The following DNAH8 variants were observed in gnomAD, a reference collection of about 807,000 sequenced individuals.
DNAH8 encodes the protein dynein axonemal heavy chain 8.
DNAH8 carries 382 observed loss-of-function variants against 562.1 expected under a neutral mutation model. The observed-to-expected ratio is 0.68, with a 90% CI of 0.63 to 0.74. The LOEUF (loss-of-function observed/expected upper bound fraction) is 0.74, where lower values mean the gene tolerates loss of function less well. Among genes scored for constraint, DNAH8 ranks in the 30% least tolerant of loss-of-function variants. The pLI is 0.00. For synonymous variants in DNAH8, 1,881 were observed against 1,919.4 expected (o/e 0.98, Z 0.52); for missense variants, 5,203 against 5,620.4 (o/e 0.93, Z 2.37).
chr6:38,755,192 T>C (rs1307975958), intron 9 of DNAH8, among the ~76,000 whole-genome samples: 2 of 152,074 alleles, frequency 1.3e-5, no homozygotes, highest in Non-Finnish European at 2.9e-5. Context: ...GCACAGAAAA[T>C]AATGGTGCAA....
At position 38,882,990 on chromosome 6, in the gene DNAH8, G is replaced by T. The variant is rs755422258; in HGVS notation, c.7939G>T (p.Val2647Phe). The change falls in exon 54 of 93, where the codon GTT becomes TTT. Residue 2647 changes from valine to phenylalanine, a missense_variant. Val to Phe is a conservative substitution (Grantham distance 50). Coordinates refer to ENST00000327475, the MANE Select transcript of DNAH8 (RefSeq NM_001206927.2). ...DSIPEYSSIL[V>F]PNVDNIRTNF... ...TATTCCGGAATATTCATCAATTTTG[G>T]TTCCAAATGTTGACAATATTAGAAC... 3 of 1,604,124 alleles carry T rather than the reference G, an allele frequency of 1.9e-6. No homozygotes were observed. Among genetic ancestry groups the T allele is most frequent in the South Asian group, 1.1e-5 (1 of 88,174 alleles).
chr6:38,827,593 G>T (rs951177916), intron 29 of DNAH8, among the ~76,000 whole-genome samples: 2 of 151,850 alleles, frequency 1.3e-5, no homozygotes, highest in East Asian at 3.9e-4. Flanking sequence ...CTCTTTGGTA[G>T]CTAATGAACT....
At chr6:38,984,442 G>A in intron 87 of DNAH8, 135 bp downstream of exon 87, 2 of 650,858 alleles carry the variant, frequency 3.1e-6, no homozygotes, top group Non-Finnish European at 5.6e-6. Context: ...ACAAATGCAT[G>A]TGTGCGCTTA....
chr6:38,748,436 T>C (rs1299476325), intron 8 of DNAH8, among the ~76,000 whole-genome samples: 3 of 151,620 alleles, frequency 2.0e-5, no homozygotes, highest in African/African-American at 7.3e-5. Context: ...GTTGGATGGG[T>C]TTGTTGACAA....
intron 88 of DNAH8, among the ~76,000 whole-genome samples, chr6:38,991,421 T>A (rs1764779351): frequency 6.6e-6 from 1 of 152,182 alleles, no homozygotes; most frequent in African/African-American, 2.4e-5. Context: ...TAAAAAGGAT[T>A]CCTCAGGGAT....
chr6:38,746,060 G>A (rs556645331), intron 8 of DNAH8, among the ~76,000 whole-genome samples: 4 of 152,260 alleles, frequency 2.6e-5, no homozygotes, highest in South Asian at 2.1e-4. Context: ...GACTGCGGCC[G>A]TCATTACTGT....
chr6:38,807,895 CA>C (rs1010048526), intron 24 of DNAH8, among the ~76,000 whole-genome samples, 179 bp downstream of exon 24: 1 of 152,128 alleles, frequency 6.6e-6, no homozygotes, highest in African/African-American at 2.4e-5. Flanking sequence ...CCCATATTCC[CA>C]ACACCCTGCC....
At chr6:38,719,069 A>C (rs995281434) in intron 1 of DNAH8, among the ~76,000 whole-genome samples, 1 of 152,192 alleles carries the variant, frequency 6.6e-6, no homozygotes, top group Non-Finnish European at 1.5e-5. Flanking sequence ...TCAGCAGAAC[A>C]TCACAATTTA....
At position 38,831,447 on chromosome 6, in the gene DNAH8, A is replaced by G. The variant is rs530469617; in HGVS notation, c.4189-875A>G. ...CACCATCTCAAAAAAAAAAAAAAAA[A>G]AAAGAAAAAAGAAAGACTCACTTAG... On this transcript the variant is annotated intron_variant, in intron 30 of 92. Transcript: ENST00000327475. Among the ~76,000 whole-genome samples, 194 of 149,494 alleles carry G rather than the reference A, an allele frequency of 1.3e-3. 1 individual carries two copies. The highest frequency in any genetic ancestry group is 4.3e-3 in the African/African-American group (169 of 39,232).
rs114063428 is a variant in DNAH8, at chr6:38,848,570, C to A, written c.5046-78C>A. ...ATTCATTCCCAAAGTAATATTTCTT[C>A]TGGAATTTACTTCGGTAAGGCCATA... On this transcript the variant is annotated intron_variant, in intron 36 of 92. Transcript: ENST00000327475. 1.1e-3 allele frequency: 1,238 copies of A among 1,164,314 alleles called. 11 individuals are homozygous for A. In the African/African-American group the frequency reaches 0.017, roughly 16 times the overall value. The allele number at this position is 1,164,314 out of a possible 1,614,324, so 72.1% of individuals were successfully genotyped here. A position where few individuals can be genotyped will look rare whatever the true frequency, so the allele number is the denominator to read the frequency against.
intron 13 of DNAH8, among the ~76,000 whole-genome samples, chr6:38,777,463 T>A (rs1768181402): frequency 1.3e-5 from 2 of 152,222 alleles, no homozygotes; most frequent in African/African-American, 4.8e-5. Flanking sequence ...CAATGTTTGA[T>A]TTATGGGTGT....
In DNAH8 at chr6:38,805,483, C is replaced by A. The variant is rs1161997107; in HGVS notation, c.3037C>A (p.Gln1013Lys). ...YTGKVGKQSE[Q>K]RKHVVFGSET... ...TTTGTTTTGTCTTTTGTCTATAGAA[C>A]AGCGGAAACACGTTGTTTTTGGAAG... Residue 1013 changes from glutamine (Q) to lysine (K), a missense_variant and splice_region_variant, in exon 23 of 93, where the codon CAG (glutamine) becomes AAG (lysine). Gln to Lys is a moderately conservative substitution (Grantham distance 53). Around this residue, in one of 6 missense-constraint regions of DNAH8, gnomAD observed 2,176 missense variants for 2,365.1 expected, o/e 0.92. Coordinates refer to ENST00000327475, the MANE Select transcript of DNAH8 (RefSeq NM_001206927.2). 6.3e-7 allele frequency: 1 copy of A among 1,592,104 alleles called. No homozygotes were observed. Among genetic ancestry groups the A allele is most frequent in the Non-Finnish European group, 8.6e-7 (1 of 1,160,578 alleles).
At chr6:38,971,449 C>T (rs1431706790) in intron 82 of DNAH8, 143 bp from the exon 83 acceptor site, 2 of 492,014 alleles carry the variant, frequency 4.1e-6, no homozygotes, top group Non-Finnish European at 6.8e-6. Context: ...CAACCAAAGG[C>T]CAGGCCTGTT....
intron 14 of DNAH8, among the ~76,000 whole-genome samples, chr6:38,779,490 C>G (rs1768379064): frequency 6.6e-6 from 1 of 152,116 alleles, no homozygotes; most frequent in Admixed American, 6.6e-5. Context: ...GTCATTCAGT[C>G]TCTGAATGGA....
rs1763366553 is a variant in DNAH8 at position 38,728,040 on chromosome 6, A to G, written c.526-1862A>G. ...GAGTGCAGTGGTATGATTACAGCTC[A>G]CTGCAGCCTCAACCTCCCAGACTCG... On this transcript the variant is annotated intron_variant, in intron 3 of 92. Transcript: ENST00000327475. 3.9e-5 allele frequency among the ~76,000 whole-genome samples: 6 copies of G among 152,054 alleles called. No individual in the cohort carries two copies. In the South Asian group the frequency reaches 1.2e-3, roughly 32 times the overall value.
chr6:38,734,333 C>CCCG (rs1763910159), intron 4 of DNAH8, 141 bp from the exon 5 acceptor site: 2 of 815,304 alleles, frequency 2.5e-6, no homozygotes, highest in Non-Finnish European at 1.7e-6. Context: ...TAGACCCCCC[C>CCCG]CCAAAAAAAT....
At chr6:38,927,454 A>C (rs1287437559) in intron 74 of DNAH8, among the ~76,000 whole-genome samples, 2 of 152,204 alleles carry the variant, frequency 1.3e-5, no homozygotes, top group African/African-American at 4.8e-5. Flanking sequence ...AAACCCAGGG[A>C]AATCCTAGAA....
Position 38,918,012 on chromosome 6 carries a change from T to C in DNAH8, c.10396T>C (p.Tyr3466His). 3 of 1,613,848 alleles carry C rather than the reference T, an allele frequency of 1.9e-6. No individual in the cohort carries two copies. The highest frequency in any genetic ancestry group is 2.5e-6 in the Non-Finnish European group (3 of 1,179,830). The change falls in exon 70 of 93, where the codon TAT becomes CAT. Residue 3466 changes from tyrosine (Y) to histidine (H), a missense_variant. Physicochemically the swap from Tyr to His is moderately conservative, Grantham distance 83 (BLOSUM62 2). This residue lies in a region of DNAH8 where 1,399 missense variants were observed against 1,518.4 expected (regional missense o/e 0.92). Transcript: ENST00000327475. ...AGAGACTGTTGAGTTACTACAGCCATATTTTAATATGGATGATTATACTTT... is the reference window on the plus strand; with the variant it reads ...AGAGACTGTTGAGTTACTACAGCCACATTTTAATATGGATGATTATACTTT... ...NEETVELLQP[Y>H]FNMDDYTFES... is the part of the protein sequence containing the mutation.
intron 88 of DNAH8, among the ~76,000 whole-genome samples, chr6:38,994,500 A>G (rs80101023): frequency 1.4e-5 from 2 of 145,380 alleles, no homozygotes; most frequent in South Asian, 4.4e-4. Context: ...AATCATCTAC[A>G]TTTTTTTTTT....
Sources: gnomAD v4.1 joint callset for allele counts (sites outside exome capture counted in the v4.1 genomes callset) on GRCh38, gnomAD v4.1.1 for gene constraint, gnomAD v4.1.1 regional missense constraint, MANE v1.5 for transcripts, NCBI Gene and HGNC (gene_info 2026-07-23, HGNC 2026-07-21) for gene names.